NAV2: variants seen among roughly 807,000 people sequenced by gnomAD.
The protein encoded by NAV2 is helicase, APC down-regulated 1.
Under a neutral mutation model 223.2 loss-of-function variants are expected in NAV2, and 54 were observed. That is an observed-to-expected ratio of 0.24 (90% confidence interval 0.19 to 0.30). The LOEUF is 0.30. Among genes scored for constraint, NAV2 ranks in the 10% least tolerant of loss-of-function variants. NAV2 has a pLI of 1.00. For synonymous variants in NAV2, 1,279 were observed against 1,239.3 expected (o/e 1.03, Z -0.67); for missense variants, 2,806 against 3,147.5 (o/e 0.89, Z 2.60).
At chr11:19,680,229 C>A (rs549270867) in intron 1 of NAV2, among the ~76,000 whole-genome samples, 1 of 152,172 alleles carries the variant, frequency 6.6e-6, no homozygotes, top group Non-Finnish European at 1.5e-5. Context: ...CCCCACCCCC[C>A]TCTTTAGAGC....
rs775934705 is a variant in NAV2, at chr11:19,969,633, T to G, written c.2646-14492T>G. Reference sequence around the variant, plus strand: ...CTGTGATAAAGTTTAATTTATAAATTAGACACAGTAAGAAATTAACAACAG... The same window carrying G: ...CTGTGATAAAGTTTAATTTATAAATGAGACACAGTAAGAAATTAACAACAG... On this transcript the variant is annotated intron_variant, in intron 10 of 37. Transcript: ENST00000349880. 2.6e-5 allele frequency among the ~76,000 whole-genome samples: 4 copies of G among 152,104 alleles called. 1 individual carries two copies. Among genetic ancestry groups the G allele is most frequent in the Non-Finnish European group, 5.9e-5 (4 of 68,026 alleles).
intron 1 of NAV2, among the ~76,000 whole-genome samples, chr11:19,357,984 T>C (rs1233336514): frequency 6.6e-6 from 1 of 152,174 alleles, no homozygotes; most frequent in Admixed American, 6.5e-5. Flanking sequence ...AAAAAAAACC[T>C]GGTTACCTAG....
chr11:19,972,987 G>A (rs554455355), intron 10 of NAV2, among the ~76,000 whole-genome samples: 12 of 152,268 alleles, frequency 7.9e-5, no homozygotes, highest in South Asian at 4.1e-4. Flanking sequence ...CTAGTTGTTC[G>A]CTGAGGTTGA....
At chr11:19,804,678 T>C (rs1419154070) in intron 1 of NAV2, among the ~76,000 whole-genome samples, 2 of 152,228 alleles carry the variant, frequency 1.3e-5, no homozygotes, top group Non-Finnish European at 2.9e-5. Context: ...TCCATCCATC[T>C]GATAGACATT....
In NAV2 at chr11:19,868,815, C is replaced by G. The variant is rs914002490; in HGVS notation, c.439-110C>G. ...AAAGAGAGTGTCCTATCTTGGCGTT[C>G]GTTCATCGGCCGTTTTTACAGCATT... On this transcript the variant is annotated intron_variant, in intron 3 of 37. Transcript: ENST00000349880. 37 of 988,308 alleles carry G rather than the reference C, an allele frequency of 3.7e-5. No individual in the cohort carries two copies. The East Asian group carries it at 7.5e-4, about 20-fold the overall frequency. The allele number at this position is 988,308 out of a possible 1,614,324, so 61.2% of individuals were successfully genotyped here. A position where few individuals can be genotyped will look rare whatever the true frequency, so the allele number is the denominator to read the frequency against.
intron 1 of NAV2, among the ~76,000 whole-genome samples, chr11:19,535,529 A>G (rs1012344084): frequency 6.6e-6 from 1 of 152,192 alleles, no homozygotes; most frequent in Non-Finnish European, 1.5e-5. Flanking sequence ...ATATACTTTT[A>G]ATTAAAATGG....
chr11:19,962,299 G>A (rs995650609), intron 10 of NAV2, among the ~76,000 whole-genome samples: 1 of 151,962 alleles, frequency 6.6e-6, no homozygotes, highest in African/African-American at 2.4e-5. Flanking sequence ...TTTACTCAGA[G>A]TCTACTGATT....
chr11:20,094,165 CAT>C (rs1433400909), intron 29 of NAV2, among the ~76,000 whole-genome samples: 2 of 149,064 alleles, frequency 1.3e-5, no homozygotes, highest in South Asian at 4.3e-4. Context: ...GTTTTCAAAA[CAT>C]AGCTAGTAAA....
At chr11:19,912,247 C>T (rs1285472583) in intron 6 of NAV2, among the ~76,000 whole-genome samples, 1 of 152,148 alleles carries the variant, frequency 6.6e-6, no homozygotes, top group Non-Finnish European at 1.5e-5. Flanking sequence ...GACTCTAGGA[C>T]ACTTTGCTGC....
At chr11:19,366,991 T>C (rs1018377861) in intron 1 of NAV2, among the ~76,000 whole-genome samples, 7 of 152,240 alleles carry the variant, frequency 4.6e-5, no homozygotes, top group Non-Finnish European at 8.8e-5. Flanking sequence ...GTCTGATGAA[T>C]TCTCTTTGGT....
intron 26 of NAV2, among the ~76,000 whole-genome samples, chr11:20,090,441 T>A (rs1270650266): frequency 1.3e-5 from 2 of 151,752 alleles, no homozygotes; most frequent in Non-Finnish European, 2.9e-5. Flanking sequence ...AAAGAAAGAA[T>A]GTAGAGAATG....
chr11:19,887,901 G>A (rs945075502), intron 5 of NAV2, among the ~76,000 whole-genome samples: 6 of 151,884 alleles, frequency 4.0e-5, no homozygotes, highest in African/African-American at 1.5e-4. Flanking sequence ...TCCTGGGAGG[G>A]GGCATCCTCT....
chr11:19,921,723 A>G (rs1247284988), intron 6 of NAV2, among the ~76,000 whole-genome samples: 3 of 152,128 alleles, frequency 2.0e-5, no homozygotes, highest in African/African-American at 7.2e-5. Flanking sequence ...AATCTGTTCG[A>G]TCTTGGGTAA....
upstream of NAV2, among the ~76,000 whole-genome samples, chr11:19,346,903 G>T (rs755424492): frequency 6.6e-6 from 1 of 152,192 alleles, no homozygotes; most frequent in Non-Finnish European, 1.5e-5. Context: ...GACACCAAGG[G>T]CTAATTAAAA....
At chr11:19,854,601 C>T (rs545768541) in intron 3 of NAV2, among the ~76,000 whole-genome samples, 5 of 152,192 alleles carry the variant, frequency 3.3e-5, no homozygotes, top group South Asian at 4.2e-4. Flanking sequence ...CCGTTTTACT[C>T]ATTTGTTACC....
intron 1 of NAV2, among the ~76,000 whole-genome samples, chr11:19,488,595 G>A (rs944347349): frequency 6.6e-6 from 1 of 152,162 alleles, no homozygotes; most frequent in African/African-American, 2.4e-5. Context: ...ATCATCAGTT[G>A]CTTTACCTCT....
chr11:19,811,854 C>T (rs565927278), intron 1 of NAV2, among the ~76,000 whole-genome samples: 98 of 152,212 alleles, frequency 6.4e-4, no homozygotes, highest in African/African-American at 2.3e-3. Context: ...AATATTTATT[C>T]AATTCCTACT....
At chr11:19,693,392 A>C (rs1303934564) in intron 1 of NAV2, among the ~76,000 whole-genome samples, 1 of 152,260 alleles carries the variant, frequency 6.6e-6, no homozygotes, top group African/African-American at 2.4e-5. Flanking sequence ...CAGGAGTGCC[A>C]TGCTGACACA....
intron 1 of NAV2, among the ~76,000 whole-genome samples, chr11:19,603,495 C>T (rs540530478): frequency 6.6e-6 from 1 of 152,058 alleles, no homozygotes; most frequent in African/African-American, 2.4e-5. Context: ...GGCATGGTGG[C>T]ATGCGCCTGT....
Sources: allele counts gnomAD v4.1 joint callset (sites outside exome capture counted in the v4.1 genomes callset), GRCh38; gene constraint gnomAD v4.1.1; transcripts MANE v1.5; gene names NCBI Gene and HGNC (gene_info 2026-07-23, HGNC 2026-07-21).